The following HRH4 variants were observed in gnomAD, a reference collection of about 807,000 sequenced individuals.
The protein encoded by HRH4 is histamine H4 receptor.
A neutral mutation model predicts 10.4 loss-of-function variants in HRH4; 12 were observed. That is an observed-to-expected ratio of 1.15 (90% CI 0.74 to 1.87). The LOEUF is 1.87. Ranked by LOEUF, HRH4 falls within the 40% of genes most tolerant of loss-of-function variation. The pLI, the probability that HRH4 is intolerant of heterozygous loss-of-function variation, is 0.00. For missense variants in HRH4, 415 were observed against 453.3 expected (o/e 0.92, Z 0.77); for synonymous variants, 154 against 166.6 (o/e 0.92, Z 0.58).
At chr18:24,468,999 A>T in intron 2 of HRH4, 48 bp downstream of exon 2, 1 of 1,457,474 alleles carries the variant, frequency 6.9e-7, no homozygotes, top group Non-Finnish European at 9.3e-7. Context: ...ATGTAAATGT[A>T]TATGATGGGT....
intron 1 of HRH4, among the ~76,000 whole-genome samples, chr18:24,466,817 A>T (rs1909789465): frequency 6.6e-6 from 1 of 152,228 alleles, no homozygotes; most frequent in African/African-American, 2.4e-5. Context: ...GTAAGATTTC[A>T]TCTCAGCTTC....
intron 1 of HRH4, among the ~76,000 whole-genome samples, chr18:24,462,822 G>A (rs907833505): frequency 9.9e-5 from 15 of 152,180 alleles, no homozygotes; most frequent in African/African-American, 3.4e-4. Context: ...GCTGCTTGAT[G>A]TAGATCCTTC....
chr18:24,467,921 A>G (rs1210680377), intron 1 of HRH4, among the ~76,000 whole-genome samples: 1 of 152,198 alleles, frequency 6.6e-6, no homozygotes, highest in Non-Finnish European at 1.5e-5. Context: ...AAGAGATGTG[A>G]AAATGTGCCA....
In HRH4 at chr18:24,477,052, C is replaced by T. The variant is rs1910159515; in HGVS notation, c.663C>T (p.Ser221=). 3 of 1,614,224 alleles carry T rather than the reference C, an allele frequency of 1.9e-6. No homozygotes were observed. Among genetic ancestry groups the T allele is most frequent in the Non-Finnish European group, 2.5e-6 (3 of 1,180,048 alleles). The change falls in exon 3 of 3, where the codon TCC becomes TCT. Residue 221 remains serine (S), a synonymous_variant. Transcript: ENST00000256906. The part of the protein sequence containing the change: ...QSHPGLTAVS[S]NICGHSFRGR... ...ATCCTGGACTGACTGCTGTCTCTTC[C>T]AACATCTGTGGACACTCATTCAGAG...
At chr18:24,469,781 CAG>C (rs1909884719) in intron 2 of HRH4, among the ~76,000 whole-genome samples, 1 of 152,040 alleles carries the variant, frequency 6.6e-6, no homozygotes, top group Non-Finnish European at 1.5e-5. Context: ...GTTTTGGCCT[CAG>C]GGGGTATGTG....
rs146404280 is a variant in HRH4 at position 24,477,520 on chromosome 18, G to C, written c.1131G>C (p.Lys377Asn). The change falls in exon 3 of 3, where the codon AAG becomes AAC. Residue 377 changes from lysine to asparagine, a missense_variant. By Grantham distance (94) the Lys-to-Asn change is moderately conservative. Coordinates refer to ENST00000256906, the MANE Select transcript of HRH4 (RefSeq NM_021624.4). The part of the protein sequence containing the change: ...KAFLKIFCIK[K>N]QPLPSQHSRS... Reference sequence around the variant, plus strand: ...TCTTGAAAATATTTTGTATAAAAAAGCAACCTCTACCATCACAACACAGTC... The same window carrying C: ...TCTTGAAAATATTTTGTATAAAAAACCAACCTCTACCATCACAACACAGTC... The C allele has an allele frequency of 1.2e-6, 2 of 1,604,730 alleles. No individual in the cohort carries two copies. Among genetic ancestry groups the C allele is most frequent in the Non-Finnish European group, 1.7e-6 (2 of 1,175,362 alleles).
chr18:24,465,257 C>A (rs138501194), intron 1 of HRH4, among the ~76,000 whole-genome samples: 1 of 152,054 alleles, frequency 6.6e-6, no homozygotes, highest in Non-Finnish European at 1.5e-5. Flanking sequence ...TACTGCACTC[C>A]GACTTGGGTG....
intron 2 of HRH4, among the ~76,000 whole-genome samples, chr18:24,476,378 C>A (rs1403447278): frequency 6.6e-6 from 1 of 152,212 alleles, no homozygotes; most frequent in Admixed American, 6.5e-5. Flanking sequence ...AAGATCTGGT[C>A]ATGCTCAGCC....
chr18:24,467,453 C>T (rs1388338892), intron 1 of HRH4, among the ~76,000 whole-genome samples: 1 of 152,220 alleles, frequency 6.6e-6, no homozygotes, highest in African/African-American at 2.4e-5. Flanking sequence ...GTCACTTCCA[C>T]TGAGGAAGCT....
chr18:24,460,690 A>G lies in HRH4; in HGVS notation c.-39A>G. 7.4e-7 allele frequency: 1 copy of G among 1,359,934 alleles called. No homozygotes were observed. Among genetic ancestry groups the G allele is most frequent in the East Asian group, 2.4e-5 (1 of 42,224 alleles). The allele number at this position is 1,359,934 out of a possible 1,614,324, so 84.2% of individuals were successfully genotyped here. On this transcript the variant is annotated 5_prime_UTR_variant, in exon 1 of 3. Coordinates refer to ENST00000256906, the MANE Select transcript of HRH4 (RefSeq NM_021624.4). ...ATACTTGTCAGAATTGTCTGGCTGG[A>G]TTAATTTGCTAATTTGACCTTCTTC...
At chr18:24,461,470 C>T (rs186774417) in intron 1 of HRH4, among the ~76,000 whole-genome samples, 1 of 152,208 alleles carries the variant, frequency 6.6e-6, no homozygotes, top group African/African-American at 2.4e-5. Flanking sequence ...ATTATATCAT[C>T]GTTAAGAGAC....
At chr18:24,465,487 A>G (rs970355292) in intron 1 of HRH4, among the ~76,000 whole-genome samples, 1 of 152,080 alleles carries the variant, frequency 6.6e-6, no homozygotes, top group Non-Finnish European at 1.5e-5. Context: ...GTGGGGGCAT[A>G]TAGCTTGTTT....
At chr18:24,470,091 G>A (rs1405447958) in intron 2 of HRH4, among the ~76,000 whole-genome samples, 5 of 152,182 alleles carry the variant, frequency 3.3e-5, no homozygotes, top group Non-Finnish European at 5.9e-5. Context: ...AGCCTGGGAC[G>A]ATTGTGCAGC....
Position 24,477,541 on chromosome 18 carries a change from C to T in HRH4, c.1152C>T (p.His384=), listed in dbSNP as rs1240393116. ...CIKKQPLPSQ[H]SRSVSS is the part of the protein sequence containing the mutation. ...AAAAGCAACCTCTACCATCACAACA[C>T]AGTCGGTCAGTATCTTCTTAAAGAC... Residue 384 remains histidine, a synonymous_variant, in exon 3 of 3, where the codon CAC becomes CAT. Coordinates refer to ENST00000256906, the MANE Select transcript of HRH4 (RefSeq NM_021624.4). 2.5e-6 allele frequency: 4 copies of T among 1,581,442 alleles called. No individual in the cohort carries two copies. Among genetic ancestry groups the T allele is most frequent in the Admixed American group, 3.8e-5 (2 of 53,090 alleles).
intron 1 of HRH4, among the ~76,000 whole-genome samples, chr18:24,463,239 G>T (rs1909686768): frequency 6.6e-6 from 1 of 152,210 alleles, no homozygotes; most frequent in African/African-American, 2.4e-5. Flanking sequence ...TCCATCAGCA[G>T]GTGGGTGAAG....
rs200257355 is a variant in HRH4 at position 24,470,501 on chromosome 18, A to ATTTTTTT, written c.357+1563_357+1569dup. Among the ~76,000 whole-genome samples the ATTTTTTT allele has an allele frequency of 4.9e-3, 631 of 129,702 alleles. 23 individuals are homozygous for ATTTTTTT. Among genetic ancestry groups the ATTTTTTT allele is most frequent in the African/African-American group, 7.2e-3 (240 of 33,424 alleles). The allele number at this position is 129,702 out of a possible 152,430, so 85.1% of individuals were successfully genotyped here. On this transcript the variant is annotated intron_variant, in intron 2 of 2. Coordinates refer to ENST00000256906, the MANE Select transcript of HRH4 (RefSeq NM_021624.4). ...GGTGGTGGGCCACATTTGTTTCTCT[A>ATTTTTTT]TTTTTTTTTTTTTTTTTTTGGAGAC...
rs1353877833 is a variant in HRH4, at chr18:24,472,971, A to G, written c.358-3776A>G. On this transcript the variant is annotated intron_variant, in intron 2 of 2. Coordinates refer to ENST00000256906, the MANE Select transcript of HRH4 (RefSeq NM_021624.4). ...GGAGTTCGAGACCAGCCTGGCCAAC[A>G]TGGCAAAACACAGTCTCTACTAAAA... 3.3e-5 allele frequency among the ~76,000 whole-genome samples: 5 copies of G among 152,202 alleles called. No homozygotes were observed. The East Asian group carries it at 9.6e-4, about 29-fold the overall frequency.
intron 2 of HRH4, among the ~76,000 whole-genome samples, chr18:24,472,315 A>T (rs1909992361): frequency 6.6e-6 from 1 of 152,122 alleles, no homozygotes; most frequent in Non-Finnish European, 1.5e-5. Flanking sequence ...CAAAGTGCTA[A>T]GATTACAGGC....
rs572317082 is a variant in HRH4 at position 24,462,918 on chromosome 18, T to C, written c.193+1997T>C. On this transcript the variant is annotated intron_variant, in intron 1 of 2. Transcript: ENST00000256906. Reference sequence around the variant, plus strand: ...TAGAGAAAGTTCCACTATAAATATATGTATCCTTTGCTTCTTCCTTCTTCA... The same window carrying C: ...TAGAGAAAGTTCCACTATAAATATACGTATCCTTTGCTTCTTCCTTCTTCA... 4.0e-3 allele frequency among the ~76,000 whole-genome samples: 616 copies of C among 152,304 alleles called. 2 individuals carry two copies. The highest frequency in any genetic ancestry group is 6.7e-3 in the Non-Finnish European group (454 of 68,018).
Sources: allele counts gnomAD v4.1 joint callset (sites outside exome capture counted in the v4.1 genomes callset), GRCh38; gene constraint gnomAD v4.1.1; transcripts MANE v1.5; gene names NCBI Gene and HGNC (gene_info 2026-07-23, HGNC 2026-07-21).